CHCHD3: variants seen among roughly 807,000 people sequenced by gnomAD.
CHCHD3 encodes MICOS complex subunit MIC19.
Under a neutral mutation model 38.2 loss-of-function variants are expected in CHCHD3, and 20 were observed. The ratio of observed to expected loss-of-function variants is 0.52; its 90% CI spans 0.37 to 0.76. The LOEUF (loss-of-function observed/expected upper bound fraction) is 0.76, where lower values mean the gene tolerates loss of function less well. Ranked by LOEUF, CHCHD3 falls within the 30% of genes least tolerant of loss-of-function variation. CHCHD3 has a pLI of 0.00. For synonymous variants in CHCHD3, 82 were observed against 100.0 expected (o/e 0.82, Z 1.07); for missense variants, 245 against 279.2 (o/e 0.88, Z 0.87).
chr7:133,080,492 C>T (rs997653899), intron 1 of CHCHD3, among the ~76,000 whole-genome samples: 1 of 152,162 alleles, frequency 6.6e-6, no homozygotes. Flanking sequence ...TCACTCAAAA[C>T]TTATTTTGCT....
chr7:132,944,120 G>A (rs78711327), intron 4 of CHCHD3, among the ~76,000 whole-genome samples: 2,868 of 152,074 alleles, frequency 0.019, 104 homozygotes, highest in African/African-American at 0.065. Flanking sequence ...CAGAAAATAA[G>A]TCATCAATAT....
intron 3 of CHCHD3, among the ~76,000 whole-genome samples, chr7:132,996,655 T>C (rs976555645): frequency 2.0e-5 from 3 of 152,164 alleles, no homozygotes; most frequent in African/African-American, 2.4e-5. Flanking sequence ...CCAAATTGAA[T>C]CGTTACAGAA....
intron 5 of CHCHD3, among the ~76,000 whole-genome samples, chr7:132,840,004 T>G (rs1807899787): frequency 6.6e-6 from 1 of 152,236 alleles, no homozygotes; most frequent in South Asian, 2.1e-4. Context: ...ATGAAGACAA[T>G]ATTCTAAGTG....
chr7:132,932,794 A>C (rs1451852869), intron 4 of CHCHD3, among the ~76,000 whole-genome samples: 1 of 152,208 alleles, frequency 6.6e-6, no homozygotes, highest in Non-Finnish European at 1.5e-5. Flanking sequence ...CTTCTAAACC[A>C]TGACTCAGAG....
intron 5 of CHCHD3, among the ~76,000 whole-genome samples, chr7:132,846,194 C>G (rs1343223284): frequency 6.6e-6 from 1 of 152,174 alleles, no homozygotes; most frequent in African/African-American, 2.4e-5. Flanking sequence ...GTGTCTTGCT[C>G]TGGGCACCAG....
chr7:133,051,468 G>A (rs938637998), intron 2 of CHCHD3, among the ~76,000 whole-genome samples: 12 of 152,004 alleles, frequency 7.9e-5, no homozygotes, highest in African/African-American at 1.7e-4. Context: ...CCTAGAAGCT[G>A]CCAACAGCAT....
At chr7:132,983,340 G>A (rs780294342) in intron 3 of CHCHD3, among the ~76,000 whole-genome samples, 5 of 152,052 alleles carry the variant, frequency 3.3e-5, no homozygotes, top group African/African-American at 7.2e-5. Flanking sequence ...AAGTTAAAAT[G>A]TATCAAAATG....
chr7:132,957,488 TTTC>T (rs1320357585), intron 4 of CHCHD3, among the ~76,000 whole-genome samples: 2 of 152,238 alleles, frequency 1.3e-5, no homozygotes, highest in Admixed American at 6.5e-5. Context: ...AGTTTCTTTT[TTTC>T]TTTTTTTTTG....
chr7:132,842,946 A>G (rs1036951199), intron 5 of CHCHD3, among the ~76,000 whole-genome samples: 9 of 152,150 alleles, frequency 5.9e-5, no homozygotes, highest in Non-Finnish European at 7.3e-5. Context: ...TTTCTTCTCA[A>G]AGTTTTGTCC....
At chr7:133,058,424 GA>G (rs989877882) in intron 2 of CHCHD3, among the ~76,000 whole-genome samples, 1 of 152,062 alleles carries the variant, frequency 6.6e-6, no homozygotes, top group Non-Finnish European at 1.5e-5. Context: ...TTCAAGAAGG[GA>G]AATGAATTGA....
intron 1 of CHCHD3, among the ~76,000 whole-genome samples, chr7:133,080,040 C>A (rs1055386531): frequency 6.6e-6 from 1 of 152,156 alleles, no homozygotes; most frequent in Non-Finnish European, 1.5e-5. Context: ...GATGGGAAAA[C>A]TGAAGCTCAG....
At chr7:132,927,356 T>C (rs1005914877) in intron 4 of CHCHD3, among the ~76,000 whole-genome samples, 1 of 152,188 alleles carries the variant, frequency 6.6e-6, no homozygotes, top group Admixed American at 6.5e-5. Flanking sequence ...ATTCCTAACT[T>C]AACAGCCGTC....
intron 4 of CHCHD3, among the ~76,000 whole-genome samples, chr7:132,904,317 T>C (rs994398167): frequency 2.6e-5 from 4 of 151,690 alleles, no homozygotes; most frequent in African/African-American, 7.3e-5. Context: ...GAGGCAGGAA[T>C]ATACCTTAGA....
At chr7:132,993,677 GAGTTTGC>G (rs1410858280) in intron 3 of CHCHD3, among the ~76,000 whole-genome samples, 1 of 152,196 alleles carries the variant, frequency 6.6e-6, no homozygotes, top group East Asian at 1.9e-4. Flanking sequence ...AGCAGCTGAT[GAGTTTGC>G]AGCCCCCTCT....
intron 4 of CHCHD3, among the ~76,000 whole-genome samples, chr7:132,917,880 T>C: frequency 8.7e-6 from 1 of 114,722 alleles, no homozygotes; most frequent in East Asian, 2.7e-4. Flanking sequence ...AAAAAAAACC[T>C]TTCCTATTAC....
At chr7:132,945,731 A>G (rs929827588) in intron 4 of CHCHD3, among the ~76,000 whole-genome samples, 1 of 151,968 alleles carries the variant, frequency 6.6e-6, no homozygotes, top group Non-Finnish European at 1.5e-5. Flanking sequence ...TACTTAGATA[A>G]ATCTTGAAGC....
intron 5 of CHCHD3, among the ~76,000 whole-genome samples, chr7:132,862,609 G>A (rs185125013): frequency 1.3e-5 from 2 of 152,168 alleles, no homozygotes; most frequent in African/African-American, 4.8e-5. Flanking sequence ...CAACAATGAA[G>A]TTTGCCACAT....
At chr7:132,849,358 G>C (rs868776958) in intron 5 of CHCHD3, 11 of 152,242 alleles carry the variant, frequency 7.2e-5, no homozygotes, top group Middle Eastern at 3.4e-3. Context: ...TGTAAGCACT[G>C]AACTCAAAAA....
chr7:132,805,165 T>G (rs1806883438), intron 6 of CHCHD3, among the ~76,000 whole-genome samples: 1 of 152,152 alleles, frequency 6.6e-6, no homozygotes, highest in African/African-American at 2.4e-5. Flanking sequence ...GAATACTAAA[T>G]ACTCCCCCAA....
Sources: allele counts gnomAD v4.1 joint callset (sites outside exome capture counted in the v4.1 genomes callset), GRCh38; gene constraint gnomAD v4.1.1; transcripts MANE v1.5; gene names NCBI Gene and HGNC (gene_info 2026-07-23, HGNC 2026-07-21).